Variants in CTNNA2 observed in about 807,000 individuals in gnomAD.
The protein encoded by CTNNA2 is catenin alpha-2.
CTNNA2 carries 42 observed loss-of-function variants against 101.0 expected under a neutral mutation model. The ratio of observed to expected loss-of-function variants is 0.42; its 90% CI spans 0.32 to 0.54. The LOEUF (loss-of-function observed/expected upper bound fraction) is 0.54, where lower values mean the gene tolerates loss of function less well. Among genes scored for constraint, CTNNA2 ranks in the 20% least tolerant of loss-of-function variants. The pLI is 0.14. For missense variants in CTNNA2, 871 were observed against 1,223.1 expected (o/e 0.71, Z 4.29); for synonymous variants, 450 against 456.4 (o/e 0.99, Z 0.18).
chr2:80,207,925 A>G (rs1175454423), intron 7 of CTNNA2, among the ~76,000 whole-genome samples: 1 of 152,194 alleles, frequency 6.6e-6, no homozygotes, highest in Non-Finnish European at 1.5e-5. Context: ...CAGCTGAGAG[A>G]AGAACAAGAA....
intron 3 of CTNNA2, chr2:79,373,771 T>C (rs1465717547): frequency 6.6e-6 from 1 of 152,188 alleles, no homozygotes; most frequent in Non-Finnish European, 1.5e-5. Flanking sequence ...ATCACATTCA[T>C]TATCATATTT....
intron 2 of CTNNA2, among the ~76,000 whole-genome samples, chr2:79,669,083 T>A (rs1479008681): frequency 1.3e-5 from 2 of 152,182 alleles, no homozygotes; most frequent in Non-Finnish European, 2.9e-5. Flanking sequence ...AAATACTGAT[T>A]CCAGTTGGAA....
chr2:80,566,196 G>T (rs781192426), intron 12 of CTNNA2, among the ~76,000 whole-genome samples: 2 of 152,196 alleles, frequency 1.3e-5, no homozygotes, highest in Non-Finnish European at 2.9e-5. Context: ...CTTTAGAGCA[G>T]CTTACAACAT....
chr2:80,446,163 C>CT (rs1425551965), intron 9 of CTNNA2, among the ~76,000 whole-genome samples: 1 of 152,182 alleles, frequency 6.6e-6, no homozygotes, highest in Non-Finnish European at 1.5e-5. Flanking sequence ...GTTAAGAATT[C>CT]TTAATGCACT....
At chr2:80,542,294 A>T in intron 9 of CTNNA2, among the ~76,000 whole-genome samples, 1 of 152,080 alleles carries the variant, frequency 6.6e-6, no homozygotes, top group East Asian at 1.9e-4. Context: ...TCAGGACACA[A>T]ATGAGATCTA....
chr2:79,861,451 C>T (rs1681620236), intron 4 of CTNNA2, among the ~76,000 whole-genome samples: 1 of 152,128 alleles, frequency 6.6e-6, no homozygotes, highest in Non-Finnish European at 1.5e-5. Context: ...AGGCAAATGT[C>T]GTTCAGCCTC....
chr2:79,211,357 C>T (rs928714456), intron 2 of CTNNA2, among the ~76,000 whole-genome samples: 9 of 152,100 alleles, frequency 5.9e-5, no homozygotes, highest in Admixed American at 1.3e-4. Context: ...CATGCGCGTC[C>T]GTGAGAAGAG....
chr2:79,966,252 G>C (rs1363940796), intron 7 of CTNNA2, among the ~76,000 whole-genome samples: 1 of 151,744 alleles, frequency 6.6e-6, no homozygotes, highest in Non-Finnish European at 1.5e-5. Context: ...AATCTTTTTT[G>C]GGGGACAGGG....
intron 7 of CTNNA2, among the ~76,000 whole-genome samples, chr2:79,926,179 G>T (rs186594650): frequency 2.0e-5 from 3 of 152,042 alleles, no homozygotes; most frequent in African/African-American, 7.2e-5. Flanking sequence ...AGCAGTTCCT[G>T]GTTAAATATT....
At chr2:80,312,044 C>T (rs2149229241) in intron 7 of CTNNA2, among the ~76,000 whole-genome samples, 1 of 152,294 alleles carries the variant, frequency 6.6e-6, no homozygotes, top group East Asian at 1.9e-4. Context: ...CAAATTTCAC[C>T]TTCTCATCCT....
In CTNNA2 at chr2:80,587,828, C is replaced by T. The variant is rs1346264069; in HGVS notation, c.2008-1476C>T. On this transcript the variant is annotated intron_variant, in intron 14 of 18. Transcript: ENST00000402739. ...CAGGGGAATTGGAAGTACCTATTCACATTCCCCTGTCTGTGAAGCAGGTTG... is the reference window on the plus strand; with the variant it reads ...CAGGGGAATTGGAAGTACCTATTCATATTCCCCTGTCTGTGAAGCAGGTTG... Among the ~76,000 whole-genome samples, 4 of 152,208 alleles carry T rather than the reference C, an allele frequency of 2.6e-5. No homozygotes were observed. The East Asian group carries it at 7.7e-4, about 29-fold the overall frequency.
chr2:80,042,336 G>A (rs969289049), intron 7 of CTNNA2, among the ~76,000 whole-genome samples: 17 of 152,164 alleles, frequency 1.1e-4, no homozygotes, highest in Non-Finnish European at 2.4e-4. Context: ...TAATGATCTG[G>A]TGCGGAATGG....
chr2:80,644,353 C>CACTT (rs1368166283), intron 18 of CTNNA2, among the ~76,000 whole-genome samples: 3 of 152,156 alleles, frequency 2.0e-5, no homozygotes, highest in African/African-American at 7.2e-5. Context: ...TATACGTATT[C>CACTT]ACTTACCTAT....
At chr2:80,624,152 G>T (rs532118075) in intron 18 of CTNNA2, among the ~76,000 whole-genome samples, 14 of 152,032 alleles carry the variant, frequency 9.2e-5, no homozygotes, top group African/African-American at 3.4e-4. Context: ...CAAGATAAGA[G>T]ATAGGGGCAA....
chr2:80,139,106 T>C (rs1225265659), intron 7 of CTNNA2, among the ~76,000 whole-genome samples: 2 of 152,172 alleles, frequency 1.3e-5, no homozygotes, highest in Admixed American at 1.3e-4. Flanking sequence ...TATTAATTGA[T>C]TCTCCAACCA....
At chr2:80,625,529 T>C (rs1671592865) in intron 18 of CTNNA2, among the ~76,000 whole-genome samples, 1 of 152,048 alleles carries the variant, frequency 6.6e-6, no homozygotes, top group South Asian at 2.1e-4. Flanking sequence ...TGGTGTACTC[T>C]TTCTGTCATT....
chr2:80,294,599 C>T (rs956633006), intron 7 of CTNNA2, among the ~76,000 whole-genome samples: 4 of 152,038 alleles, frequency 2.6e-5, no homozygotes, highest in Non-Finnish European at 5.9e-5. Flanking sequence ...CAGTGCTTCT[C>T]AGCCTTAGCT....
chr2:79,492,842 T>A (rs1247883493), intron 4 of CTNNA2, among the ~76,000 whole-genome samples: 2 of 152,092 alleles, frequency 1.3e-5, no homozygotes, highest in Non-Finnish European at 2.9e-5. Flanking sequence ...TCTAGTAACA[T>A]ATAAAAAAGA....
chr2:80,042,462 G>T (rs138614031), intron 7 of CTNNA2, among the ~76,000 whole-genome samples: 7 of 152,080 alleles, frequency 4.6e-5, no homozygotes, highest in Non-Finnish European at 1.0e-4. Context: ...AAGAAACATC[G>T]AAGGTGAGAG....
Sources: allele counts gnomAD v4.1 joint callset (sites outside exome capture counted in the v4.1 genomes callset), GRCh38; gene constraint gnomAD v4.1.1; transcripts MANE v1.5; gene names NCBI Gene and HGNC (gene_info 2026-07-23, HGNC 2026-07-21).